IPCEF1: variants seen among roughly 807,000 people sequenced by gnomAD.
IPCEF1 encodes the protein interaction protein for cytohesin exchange factors 1.
Under a neutral mutation model 50.9 loss-of-function variants are expected in IPCEF1, and 31 were observed. The ratio of observed to expected loss-of-function variants is 0.61; its 90% CI spans 0.46 to 0.82. IPCEF1 has a LOEUF of 0.82. Among genes scored for constraint, IPCEF1 ranks in the 40% least tolerant of loss-of-function variants. IPCEF1 has a pLI of 0.00. For missense variants in IPCEF1, 458 were observed against 514.0 expected (o/e 0.89, Z 1.05); for synonymous variants, 181 against 192.0 (o/e 0.94, Z 0.47).
At chr6:154,215,638 AT>A (rs1778335267) in intron 7 of IPCEF1, among the ~76,000 whole-genome samples, 1 of 152,154 alleles carries the variant, frequency 6.6e-6, no homozygotes, top group Admixed American at 6.5e-5. Context: ...ATTTAAAAAA[AT>A]AAACAAAATA....
At chr6:154,239,080 C>T (rs1583878782) in intron 5 of IPCEF1, among the ~76,000 whole-genome samples, 1 of 152,226 alleles carries the variant, frequency 6.6e-6, no homozygotes, top group East Asian at 1.9e-4. Context: ...GGCATTCACT[C>T]TGGCAATGCC....
At position 154,167,966 on chromosome 6, in the gene IPCEF1, A is replaced by G. The variant is rs1799570348; in HGVS notation, c.1058T>C (p.Ile353Thr). 1 of 1,606,984 alleles carries G rather than the reference A, an allele frequency of 6.2e-7. No homozygotes were observed. Among genetic ancestry groups the G allele is most frequent in the South Asian group, 1.1e-5 (1 of 90,450 alleles). The change falls in exon 11 of 12, where the codon ATA becomes ACA. Residue 353 changes from isoleucine to threonine, a missense_variant. Coordinates refer to ENST00000367220, the MANE Select transcript of IPCEF1 (RefSeq NM_001130700.2). ...SFVKRCKNPS[I>T]NEKLHKIRTL... ...TCGGATTTTGTGGAGTTTCTCGTTT[A>G]TAGATGGATTTTTACACCGCTTAAC...
intron 1 of IPCEF1, among the ~76,000 whole-genome samples, chr6:154,339,437 AT>A (rs201885601): frequency 0.012 from 1,676 of 143,102 alleles, 21 homozygotes; most frequent in African/African-American, 0.032. Flanking sequence ...TTAATCTTTA[AT>A]TTTTTTTTTT....
rs141174267 is a variant in IPCEF1 at position 154,236,131 on chromosome 6, T to C, written c.246+10460A>G. ...GGCATTATTCACAATAGCCAAAAGG[T>C]AGAAGCGACCCAAGTGTCTGTCAAC... On this transcript the variant is annotated intron_variant, in intron 5 of 11. Transcript: ENST00000367220. Among the ~76,000 whole-genome samples, 974 of 152,158 alleles carry C rather than the reference T, an allele frequency of 6.4e-3. 12 individuals carry two copies. Among genetic ancestry groups the C allele is most frequent in the African/African-American group, 0.023 (936 of 41,514 alleles).
intron 5 of IPCEF1, among the ~76,000 whole-genome samples, chr6:154,244,432 T>C (rs1283902305): frequency 1.3e-5 from 2 of 152,092 alleles, no homozygotes; most frequent in African/African-American, 4.8e-5. Flanking sequence ...CCTAGCCAGA[T>C]AGCGGCAAGC....
At chr6:154,186,600 A>G (rs1801377696) in intron 10 of IPCEF1, among the ~76,000 whole-genome samples, 1 of 151,152 alleles carries the variant, frequency 6.6e-6, no homozygotes, top group African/African-American at 2.4e-5. Flanking sequence ...TTTGTCGCCC[A>G]GGCTGGAGTG....
At chr6:154,224,581 G>T (rs1779110845) in intron 5 of IPCEF1, among the ~76,000 whole-genome samples, 1 of 152,014 alleles carries the variant, frequency 6.6e-6, no homozygotes, top group East Asian at 1.9e-4. Context: ...CATGGTGGTG[G>T]GCCCCTGTAA....
chr6:154,348,918 G>A (rs1005555623), intron 1 of IPCEF1, among the ~76,000 whole-genome samples: 1 of 152,128 alleles, frequency 6.6e-6, no homozygotes, highest in Non-Finnish European at 1.5e-5. Flanking sequence ...TGTAGTCTGA[G>A]CTATTCAAAC....
chr6:154,344,162 C>T lies in IPCEF1; in HGVS notation c.-62+12510G>A, dbSNP rs575792586. Among the ~76,000 whole-genome samples, 15 of 152,338 alleles carry T rather than the reference C, an allele frequency of 9.8e-5. No homozygotes were observed. In the South Asian group the frequency reaches 3.1e-3, roughly 32 times the overall value. The stretch of plus-strand genomic sequence containing the variant: ...AGTTTTGGAGCACCTCTCCCTCTGT[C>T]TGTGTACAGGGGAACTGCTTCTTTC... On this transcript the variant is annotated intron_variant, in intron 1 of 11. Coordinates refer to ENST00000367220, the MANE Select transcript of IPCEF1 (RefSeq NM_001130700.2).
At chr6:154,310,420 C>T (rs758508953) in intron 1 of IPCEF1, among the ~76,000 whole-genome samples, 6 of 152,100 alleles carry the variant, frequency 3.9e-5, no homozygotes, top group Admixed American at 3.3e-4. Flanking sequence ...AGGATGCAGA[C>T]CCTTGCACAC....
intron 2 of IPCEF1, among the ~76,000 whole-genome samples, chr6:154,289,192 C>A (rs1782449064): frequency 6.6e-6 from 1 of 152,050 alleles, no homozygotes; most frequent in Non-Finnish European, 1.5e-5. Flanking sequence ...CAACTCCAGT[C>A]TTTCCTAGAT....
intron 5 of IPCEF1, among the ~76,000 whole-genome samples, chr6:154,245,702 C>CCTCAA (rs369773438): frequency 2.0e-5 from 3 of 152,194 alleles, no homozygotes; most frequent in South Asian, 4.2e-4. Context: ...GACTAAAGGC[C>CCTCAA]CTCCAGTGCT....
rs71021036 is a variant in IPCEF1, at chr6:154,273,724, CTTTTTTTTTTTTTTTTTT to C, written c.-17-7778_-17-7761del. On this transcript the variant is annotated intron_variant, in intron 2 of 11. Coordinates refer to ENST00000367220, the MANE Select transcript of IPCEF1 (RefSeq NM_001130700.2). ...TCTTTTTTTCTTTCTTTCTTTCTTT[CTTTTTTTTTTTTTTTTTT>C]TTTTTTTTTTTTTTTTTTTTTTTTT... Among the ~76,000 whole-genome samples the C allele has an allele frequency of 8.0e-3, 503 of 63,232 alleles. 1 individual carries two copies. Among genetic ancestry groups the C allele is most frequent in the South Asian group, 0.014 (24 of 1,688 alleles). 41.5% of individuals were successfully genotyped at this position (63,232 alleles called of 152,430 possible). A position where few individuals can be genotyped will look rare whatever the true frequency, so the allele number is the denominator to read the frequency against.
intron 2 of IPCEF1, among the ~76,000 whole-genome samples, chr6:154,268,564 A>AT (rs1781816059): frequency 6.6e-6 from 1 of 151,998 alleles, no homozygotes; most frequent in South Asian, 2.1e-4. Context: ...TGGCCCAGTG[A>AT]TTTTTTTCAA....
intron 5 of IPCEF1, among the ~76,000 whole-genome samples, chr6:154,238,561 C>T (rs1051068479): frequency 6.6e-6 from 1 of 152,092 alleles, no homozygotes; most frequent in Non-Finnish European, 1.5e-5. Flanking sequence ...CCACTACACC[C>T]GGCCAAGCCT....
intron 1 of IPCEF1, among the ~76,000 whole-genome samples, chr6:154,322,399 CACA>C (rs765282802): frequency 2.6e-5 from 4 of 151,690 alleles, no homozygotes; most frequent in Admixed American, 6.6e-5. Context: ...CACACACACA[CACA>C]CCCCTATGTT....
At position 154,207,421 on chromosome 6, in the gene IPCEF1, AGTTCT is replaced by A. The variant is rs539870983; in HGVS notation, c.537+5344_537+5348del. On this transcript the variant is annotated intron_variant, in intron 9 of 11. Transcript: ENST00000367220. Reference sequence around the variant, plus strand: ...ATTTTTCACCCAACTATCCACTTGCAGTTCTGTTCTTTCATTTAGTACAGATATTG... The same window carrying A: ...ATTTTTCACCCAACTATCCACTTGCAGTTCTTTCATTTAGTACAGATATTG... Among the ~76,000 whole-genome samples the A allele has an allele frequency of 2.7e-4, 41 of 152,360 alleles. No individual in the cohort carries two copies. In the South Asian group the frequency reaches 8.3e-3, roughly 31 times the overall value.
At chr6:154,255,651 TG>T (rs879872218) in intron 3 of IPCEF1, among the ~76,000 whole-genome samples, 1 of 152,336 alleles carries the variant, frequency 6.6e-6, no homozygotes, top group Admixed American at 6.5e-5. Flanking sequence ...TTGGGAGTAC[TG>T]TTAGATTTGT....
chr6:154,287,041 C>T (rs867784879), intron 2 of IPCEF1, among the ~76,000 whole-genome samples: 2 of 152,102 alleles, frequency 1.3e-5, no homozygotes, highest in Admixed American at 6.5e-5. Context: ...ACAGATTGCT[C>T]GAGCTCAGGA....
Sources: allele counts gnomAD v4.1 joint callset (sites outside exome capture counted in the v4.1 genomes callset), GRCh38; gene constraint gnomAD v4.1.1; transcripts MANE v1.5; gene names NCBI Gene and HGNC (gene_info 2026-07-23, HGNC 2026-07-21).